Variants in DMD observed in about 807,000 individuals in gnomAD.
DMD encodes dystrophin, also known as mutant dystrophin.
DMD carries 63 observed loss-of-function variants against 330.1 expected under a neutral mutation model. The ratio of observed to expected loss-of-function variants is 0.19; its 90% CI spans 0.16 to 0.24. The LOEUF (loss-of-function observed/expected upper bound fraction) is 0.24, where lower values mean the gene tolerates loss of function less well. Ranked by LOEUF, DMD falls within the 10% of genes least tolerant of loss-of-function variation. The pLI is 1.00. For synonymous variants in DMD, 1,223 were observed against 959.8 expected (o/e 1.27, Z -5.07); for missense variants, 3,344 against 2,684.1 (o/e 1.25, Z -5.43).
rs151218322 is a variant in DMD, at chrX:32,896,523, G to A, written c.94-46703C>T. ...TAACCTATAGATTAGAAAAAAATCGGGGCCCTAAAAGACACACTACTGATG... is the reference window on the plus strand; with the variant it reads ...TAACCTATAGATTAGAAAAAAATCGAGGCCCTAAAAGACACACTACTGATG... On this transcript the variant is annotated intron_variant, in intron 2 of 78. Coordinates refer to ENST00000357033, the MANE Select transcript of DMD (RefSeq NM_004006.3). 6.4e-3 allele frequency among the ~76,000 whole-genome samples: 715 copies of A among 111,573 alleles called. 10 individuals are homozygous for A. Among genetic ancestry groups the A allele is most frequent in the African/African-American group, 0.023 (692 of 30,688 alleles).
chrX:31,879,795 A>G (rs1437220380), intron 47 of DMD, among the ~76,000 whole-genome samples: 1 of 112,249 alleles, frequency 8.9e-6, no homozygotes, highest in Non-Finnish European at 1.9e-5. Context: ...TAACGTGGAA[A>G]AAGATTAAGG....
intron 7 of DMD, among the ~76,000 whole-genome samples, chrX:32,768,407 A>G (rs1389859621): frequency 8.9e-6 from 1 of 111,952 alleles, no homozygotes; most frequent in Admixed American, 9.5e-5. Context: ...CGTGGGTTTC[A>G]TAAAGCTTTG....
At chrX:31,468,960 C>G (rs1374185032) in intron 59 of DMD, among the ~76,000 whole-genome samples, 1 of 110,955 alleles carries the variant, frequency 9.0e-6, no homozygotes, top group Non-Finnish European at 1.9e-5. Flanking sequence ...GGTTTAAAGT[C>G]TGTTTTGTCT....
chrX:32,263,048 G>T (rs331355), intron 43 of DMD, among the ~76,000 whole-genome samples: 54,945 of 110,880 alleles, frequency 0.5, 11,434 homozygotes, highest in African/African-American at 0.79. Flanking sequence ...TAGAGTCTAT[G>T]TCTTAGAAAA....
intron 60 of DMD, among the ~76,000 whole-genome samples, chrX:31,404,995 T>C (rs1222044723): frequency 9.0e-6 from 1 of 110,565 alleles, no homozygotes; most frequent in African/African-American, 3.3e-5. Context: ...AAATGGAGAG[T>C]GTGAAATAAT....
chrX:32,238,417 A>T (rs2097195668), intron 43 of DMD, among the ~76,000 whole-genome samples: 1 of 108,215 alleles, frequency 9.2e-6, no homozygotes, highest in Non-Finnish European at 1.9e-5. Flanking sequence ...TGCTCATGAC[A>T]TGTGTTCCCA....
intron 74 of DMD, among the ~76,000 whole-genome samples, chrX:31,154,281 GTTTT>G (rs368158779): frequency 2.0e-5 from 2 of 99,427 alleles, no homozygotes; most frequent in South Asian, 5.2e-4. Context: ...TTATTCTAAT[GTTTT>G]TTTTTTATTT....
At chrX:32,592,990 A>G (rs1406351138) in intron 13 of DMD, among the ~76,000 whole-genome samples, 1 of 112,925 alleles carries the variant, frequency 8.9e-6, no homozygotes, top group Admixed American at 9.3e-5. Context: ...CTGTCTGTGC[A>G]CAGTGGCCAG....
intron 59 of DMD, among the ~76,000 whole-genome samples, chrX:31,456,030 T>C (rs919666592): frequency 4.6e-5 from 5 of 109,187 alleles, no homozygotes; most frequent in Non-Finnish European, 9.5e-5. Flanking sequence ...ATTGGGATTA[T>C]AGATGCTGGG....
At chrX:32,858,625 G>C (rs190038274) in intron 2 of DMD, among the ~76,000 whole-genome samples, 338 of 111,506 alleles carry the variant, frequency 3.0e-3, no homozygotes, top group African/African-American at 0.01. Flanking sequence ...ATCACACCTG[G>C]ACTTATGTAA....
intron 21 of DMD, among the ~76,000 whole-genome samples, chrX:32,483,652 T>A (rs2042137089): frequency 9.2e-6 from 1 of 108,568 alleles, no homozygotes; most frequent in Admixed American, 1.0e-4. Context: ...TATTGTTAAA[T>A]ATGTCAATAT....
At position 32,833,518 on chromosome X, in the gene DMD, T is replaced by A. The variant is rs778544377; in HGVS notation, c.265-10131A>T. On this transcript the variant is annotated intron_variant, in intron 4 of 78. Coordinates refer to ENST00000357033, the MANE Select transcript of DMD (RefSeq NM_004006.3). ...TTGCCTGAGTAAATGGACACTGTCC[T>A]CAATACTTTCACAATTTAGTATGAA... is the stretch of plus-strand genomic sequence containing the variant. Among the ~76,000 whole-genome samples, 51 of 109,860 alleles carry A rather than the reference T, an allele frequency of 4.6e-4. 1 individual carries two copies. Among genetic ancestry groups the A allele is most frequent in the African/African-American group, 1.4e-3 (44 of 30,481 alleles).
rs2704906 is a variant in DMD at position 31,384,312 on chromosome X, T to C, written c.9085-35678A>G. 3.4e-3 allele frequency among the ~76,000 whole-genome samples: 59 copies of C among 17,163 alleles called. No individual in the cohort carries two copies. In the South Asian group the frequency reaches 0.037, roughly 11 times the overall value. The allele number at this position is 17,163 out of a possible 115,157, so 14.9% of individuals were successfully genotyped here. ...GGATCAGGGTAATATCCTGCTTCAC[T>C]ACTACTACTACTACTACTACTACTA... On this transcript the variant is annotated intron_variant, in intron 60 of 78. Transcript: ENST00000357033.
chrX:33,309,862 C>T, intron 1 of DMD, among the ~76,000 whole-genome samples: 1 of 110,711 alleles, frequency 9.0e-6, no homozygotes, highest in South Asian at 3.8e-4. Flanking sequence ...TATAGGAGGC[C>T]TTCAGCTTGT....
intron 70 of DMD, 39 bp from the exon 71 acceptor site, chrX:31,178,009 C>A: frequency 8.6e-7 from 1 of 1,166,464 alleles, no homozygotes; most frequent in Non-Finnish European, 1.2e-6. Flanking sequence ...GAGACACACG[C>A]AAACTCAGCC....
At chrX:31,402,529 A>G (rs2061236069) in intron 60 of DMD, among the ~76,000 whole-genome samples, 1 of 112,039 alleles carries the variant, frequency 8.9e-6, no homozygotes, top group Non-Finnish European at 1.9e-5. Flanking sequence ...AGGGTGTTGA[A>G]TTAGATGGTC....
intron 2 of DMD, among the ~76,000 whole-genome samples, chrX:32,928,053 G>T (rs2089232066): frequency 9.1e-6 from 1 of 110,468 alleles, no homozygotes; most frequent in Middle Eastern, 4.3e-3. Flanking sequence ...ATAAGAAATT[G>T]ATGCCATTAA....
At chrX:32,780,505 A>T (rs1012561550) in intron 7 of DMD, among the ~76,000 whole-genome samples, 1 of 112,020 alleles carries the variant, frequency 8.9e-6, no homozygotes, top group South Asian at 3.7e-4. Flanking sequence ...ATTTTTTGAA[A>T]TTACCTTCAC....
chrX:32,332,634 G>C (rs1247707410), intron 41 of DMD, among the ~76,000 whole-genome samples: 1 of 110,603 alleles, frequency 9.0e-6, no homozygotes, highest in Admixed American at 9.8e-5. Context: ...GTGGAGCAGA[G>C]GAAAGTATTA....
Sources: allele counts gnomAD v4.1 joint callset (sites outside exome capture counted in the v4.1 genomes callset), GRCh38; gene constraint gnomAD v4.1.1; transcripts MANE v1.5; gene names NCBI Gene and HGNC (gene_info 2026-07-23, HGNC 2026-07-21).